Variants in SLC6A15 observed in about 807,000 individuals in gnomAD.
SLC6A15 encodes the protein sodium-dependent neutral amino acid transporter B(0)AT2.
Under a neutral mutation model 68.5 loss-of-function variants are expected in SLC6A15, and 33 were observed. That is an observed-to-expected ratio of 0.48 (90% confidence interval 0.37 to 0.64). SLC6A15 has a LOEUF of 0.64. Among genes scored for constraint, SLC6A15 ranks in the 30% least tolerant of loss-of-function variants. The probability of loss-of-function intolerance (pLI) is 0.00; values close to 1 mark genes in which losing one functional copy is unlikely to be tolerated. For synonymous variants in SLC6A15, 347 were observed against 301.0 expected, an observed-to-expected ratio of 1.15 and a Z score of -1.58; for missense variants, 747 against 874.3, an observed-to-expected ratio of 0.85 and a Z score of 1.84.
chr12:84,882,932 T>C (rs1464956345), intron 5 of SLC6A15: 2 of 762,204 alleles, frequency 2.6e-6, no homozygotes, highest in African/African-American at 1.9e-5. Context: ...ATTGTTATTA[T>C]GACTACTTCT....
chr12:84,893,476 G>A (rs1165090079), intron 1 of SLC6A15, among the ~76,000 whole-genome samples: 1 of 151,772 alleles, frequency 6.6e-6, no homozygotes, highest in Non-Finnish European at 1.5e-5. Flanking sequence ...CTCAGACACA[G>A]ACCAAGTAAA....
intron 1 of SLC6A15, among the ~76,000 whole-genome samples, chr12:84,900,411 T>G (rs1202194030): frequency 6.6e-6 from 1 of 152,072 alleles, no homozygotes; most frequent in African/African-American, 2.4e-5. Flanking sequence ...TAATGATAAT[T>G]TAACTTTCAT....
At chr12:84,882,615 T>C (rs1871872771) in intron 5 of SLC6A15, 1 of 301,278 alleles carries the variant, frequency 3.3e-6, no homozygotes, top group Non-Finnish European at 4.9e-6. Context: ...ATTATAGTGT[T>C]GCAGTTAAAG....
chr12:84,883,743 A>T (rs746806465), intron 5 of SLC6A15, 116 bp downstream of exon 5: 15 of 1,611,016 alleles, frequency 9.3e-6, no homozygotes, highest in Admixed American at 1.7e-5. Context: ...ATATTTAACT[A>T]CCTAGAATGA....
chr12:84,873,804 A>G (rs1181390860), intron 6 of SLC6A15, among the ~76,000 whole-genome samples: 2 of 152,188 alleles, frequency 1.3e-5, no homozygotes, highest in African/African-American at 4.8e-5. Flanking sequence ...GAGTTGAACT[A>G]TTTGTACTTT....
intron 8 of SLC6A15, among the ~76,000 whole-genome samples, chr12:84,872,227 TCATG>T (rs1320005720): frequency 6.6e-6 from 1 of 152,114 alleles, no homozygotes; most frequent in Non-Finnish European, 1.5e-5. Context: ...TAAATATTAT[TCATG>T]CATCAAAGCA....
intron 5 of SLC6A15, chr12:84,882,080 A>G (rs1372784194): frequency 3.0e-6 from 3 of 985,282 alleles, no homozygotes; most frequent in African/African-American, 1.7e-5. Flanking sequence ...CTGTGATAAG[A>G]AAAGGATGAA....
At chr12:84,899,852 A>T (rs1347328168) in intron 1 of SLC6A15, among the ~76,000 whole-genome samples, 1 of 152,118 alleles carries the variant, frequency 6.6e-6, no homozygotes, top group Non-Finnish European at 1.5e-5. Context: ...AGCACTTAAA[A>T]GTAGATCCAA....
chr12:84,896,873 A>C (rs183701378), intron 1 of SLC6A15, among the ~76,000 whole-genome samples: 1 of 152,326 alleles, frequency 6.6e-6, no homozygotes, highest in East Asian at 1.9e-4. Context: ...GGGAGAATTC[A>C]TCAGAGGACT....
At chr12:84,866,355 G>T (rs1436268488) in intron 10 of SLC6A15, among the ~76,000 whole-genome samples, 2 of 152,112 alleles carry the variant, frequency 1.3e-5, no homozygotes, top group Non-Finnish European at 2.9e-5. Flanking sequence ...CCTGAATGGT[G>T]TGAAAAGTAT....
intron 1 of SLC6A15, among the ~76,000 whole-genome samples, chr12:84,899,742 A>G (rs538147471): frequency 6.6e-6 from 1 of 152,138 alleles, no homozygotes; most frequent in Non-Finnish European, 1.5e-5. Flanking sequence ...GGAACTTTAC[A>G]GTATTTAAAT....
At chr12:84,889,668 C>T (rs912440469) in intron 2 of SLC6A15, among the ~76,000 whole-genome samples, 1 of 152,092 alleles carries the variant, frequency 6.6e-6, no homozygotes, top group South Asian at 2.1e-4. Context: ...AGCCATATTT[C>T]TAAGCACATT....
chr12:84,882,961 A>G, intron 5 of SLC6A15: 1 of 905,936 alleles, frequency 1.1e-6, no homozygotes, highest in Non-Finnish European at 1.3e-6. Flanking sequence ...TGCTGCTACT[A>G]CTACTACTAT....
In SLC6A15 at chr12:84,861,689, A is replaced by G. The variant is rs894425855; in HGVS notation, c.2136T>C (p.Tyr712=). The change falls in exon 12 of 12, where the codon TAT becomes TAC. Residue 712 remains tyrosine (Y), a synonymous_variant. Coordinates refer to ENST00000266682, the MANE Select transcript of SLC6A15 (RefSeq NM_182767.6). The part of the protein sequence containing the change: ...PTLDTAPNGR[Y]GIGYLMADIM... ...TATCTGCCATCAAGTACCCTATTCCATACCGTCCATTGGGAGCAGTATCCA... is the reference window on the plus strand; with the variant it reads ...TATCTGCCATCAAGTACCCTATTCCGTACCGTCCATTGGGAGCAGTATCCA... The G allele has an allele frequency of 1.9e-6, 3 of 1,613,724 alleles. No individual in the cohort carries two copies. Among genetic ancestry groups the G allele is most frequent in the Non-Finnish European group, 2.5e-6 (3 of 1,179,846 alleles).
intron 6 of SLC6A15, among the ~76,000 whole-genome samples, chr12:84,875,781 G>T (rs2949795): frequency 1 from 109,139 of 109,140 alleles, 54,569 homozygotes; most frequent in Non-Finnish European, 1. Context: ...AGGTTAAGTG[G>T]GCCCACCGTT....
In SLC6A15 at chr12:84,905,229, G is replaced by A. The variant is rs563269196; in HGVS notation, c.-189+7294C>T. Reference sequence around the variant, plus strand: ...AGAATTATATTCCATGATCAAGTAGGGTTTATTCTAAGTATTCAAGGTTGG... The same window carrying A: ...AGAATTATATTCCATGATCAAGTAGAGTTTATTCTAAGTATTCAAGGTTGG... On this transcript the variant is annotated intron_variant, in intron 1 of 11. Coordinates refer to ENST00000266682, the MANE Select transcript of SLC6A15 (RefSeq NM_182767.6). Among the ~76,000 whole-genome samples the A allele has an allele frequency of 4.6e-5, 7 of 152,064 alleles. No individual in the cohort carries two copies. In the South Asian group the frequency reaches 1.2e-3, roughly 27 times the overall value.
rs934490212 is a variant in SLC6A15 at position 84,870,463 on chromosome 12, A to C, written c.1495+15T>G. 1 of 1,516,440 alleles carries C rather than the reference A, an allele frequency of 6.6e-7. No individual in the cohort carries two copies. Among genetic ancestry groups the C allele is most frequent in the South Asian group, 1.3e-5 (1 of 74,818 alleles). The allele number at this position is 1,516,440 out of a possible 1,614,324, so 93.9% of individuals were successfully genotyped here. ...CTGGATTTGTTCAATGAAAAGTCAAATACAAAAAACTCACCAGTAAGAATT... is the reference window on the plus strand; with the variant it reads ...CTGGATTTGTTCAATGAAAAGTCAACTACAAAAAACTCACCAGTAAGAATT... On this transcript the variant is annotated intron_variant, in intron 9 of 11. Coordinates refer to ENST00000266682, the MANE Select transcript of SLC6A15 (RefSeq NM_182767.6).
intron 8 of SLC6A15, among the ~76,000 whole-genome samples, chr12:84,871,028 T>C (rs898259955): frequency 2.0e-5 from 3 of 151,898 alleles, no homozygotes; most frequent in African/African-American, 7.2e-5. Context: ...CATATTATCA[T>C]AGATATATAA....
At chr12:84,904,571 G>C (rs983659445) in intron 1 of SLC6A15, among the ~76,000 whole-genome samples, 12 of 152,170 alleles carry the variant, frequency 7.9e-5, no homozygotes, top group Non-Finnish European at 1.8e-4. Flanking sequence ...TCACAATGTG[G>C]CTAGATCTAT....
Sources: gnomAD v4.1 joint callset for allele counts (sites outside exome capture counted in the v4.1 genomes callset) on GRCh38, gnomAD v4.1.1 for gene constraint, MANE v1.5 for transcripts, NCBI Gene and HGNC (gene_info 2026-07-23, HGNC 2026-07-21) for gene names.